The following FSTL5 variants were observed in gnomAD, a reference collection of about 807,000 sequenced individuals.
The protein encoded by FSTL5 is follistatin-related protein 5.
In FSTL5, 62 loss-of-function variants were observed where a neutral mutation model predicts 89.1. The observed-to-expected ratio is 0.70, with a 90% CI of 0.57 to 0.86. FSTL5 has a LOEUF of 0.86. Ranked by LOEUF, FSTL5 falls within the 40% of genes least tolerant of loss-of-function variation. The pLI is 0.00. For synonymous variants in FSTL5, 383 were observed against 346.2 expected (o/e 1.11, Z -1.18); for missense variants, 1,057 against 1,001.6 (o/e 1.06, Z -0.75).
At chr4:162,110,803 A>C (rs913926595) in intron 2 of FSTL5, among the ~76,000 whole-genome samples, 4 of 151,778 alleles carry the variant, frequency 2.6e-5, no homozygotes, top group African/African-American at 9.7e-5. Context: ...ATATTGTGAA[A>C]ATTTCTAAAA....
intron 12 of FSTL5, among the ~76,000 whole-genome samples, chr4:161,496,963 A>G: frequency 6.6e-6 from 1 of 152,168 alleles, no homozygotes; most frequent in East Asian, 1.9e-4. Context: ...CTGATTGCAT[A>G]ATATTCAACA....
At chr4:161,855,055 T>A (rs2126884639) in intron 4 of FSTL5, among the ~76,000 whole-genome samples, 1 of 16,294 alleles carries the variant, frequency 6.1e-5, no homozygotes, top group African/African-American at 1.7e-4. Flanking sequence ...TAAGTTCTAT[T>A]AAGTTCTACA....
intron 1 of FSTL5, among the ~76,000 whole-genome samples, chr4:162,150,879 T>C (rs1368061092): frequency 6.6e-6 from 1 of 152,150 alleles, no homozygotes; most frequent in Admixed American, 6.5e-5. Context: ...TCACTAGACA[T>C]TTACATAAAA....
At chr4:161,752,879 C>T (rs1212940562) in intron 6 of FSTL5, among the ~76,000 whole-genome samples, 1 of 152,134 alleles carries the variant, frequency 6.6e-6, no homozygotes, top group Non-Finnish European at 1.5e-5. Flanking sequence ...ACAGCGTTCT[C>T]TCTCTTTGGT....
At chr4:161,769,745 C>A (rs559679446) in intron 5 of FSTL5, among the ~76,000 whole-genome samples, 2 of 152,002 alleles carry the variant, frequency 1.3e-5, no homozygotes, top group South Asian at 4.1e-4. Context: ...TCTCTAAGAT[C>A]TAGAACATGA....
chr4:161,466,512 A>G (rs1036452100), intron 13 of FSTL5, among the ~76,000 whole-genome samples: 7 of 152,212 alleles, frequency 4.6e-5, no homozygotes, highest in African/African-American at 1.7e-4. Context: ...TGCAGTTCTC[A>G]AGATAATACG....
chr4:161,863,828 G>C (rs562631230), intron 4 of FSTL5, among the ~76,000 whole-genome samples: 1 of 152,298 alleles, frequency 6.6e-6, no homozygotes, highest in South Asian at 2.1e-4. Flanking sequence ...AAGGACTTCA[G>C]CACCGCTGGG....
chr4:161,695,394 T>G (rs971650494), intron 6 of FSTL5, among the ~76,000 whole-genome samples: 1 of 150,336 alleles, frequency 6.7e-6, no homozygotes, highest in African/African-American at 2.4e-5. Flanking sequence ...ATTCATTCCT[T>G]TTAATGGCTG....
At chr4:161,640,320 C>T (rs145316640) in intron 7 of FSTL5, among the ~76,000 whole-genome samples, 2,604 of 152,198 alleles carry the variant, frequency 0.017, 69 homozygotes, top group African/African-American at 0.058. Context: ...AGTAAATCAA[C>T]AGAAACTGTC....
chr4:161,684,112 C>A (rs1737620136), intron 6 of FSTL5, among the ~76,000 whole-genome samples: 2 of 152,224 alleles, frequency 1.3e-5, no homozygotes, highest in Admixed American at 6.5e-5. Context: ...TTCCATGGTA[C>A]ACATGTACAC....
At chr4:161,519,676 G>C (rs944700129) in intron 10 of FSTL5, among the ~76,000 whole-genome samples, 1 of 152,164 alleles carries the variant, frequency 6.6e-6, no homozygotes, top group Admixed American at 6.5e-5. Flanking sequence ...AAAGTGACTT[G>C]ATTTTGACAA....
chr4:161,784,555 G>C (rs554649088), intron 4 of FSTL5, among the ~76,000 whole-genome samples: 19 of 152,094 alleles, frequency 1.2e-4, no homozygotes, highest in Admixed American at 2.0e-4. Context: ...TCAAATATGT[G>C]ACTGCCAATG....
chr4:162,161,117 C>T (rs529082587), intron 1 of FSTL5, among the ~76,000 whole-genome samples: 8 of 151,904 alleles, frequency 5.3e-5, no homozygotes, highest in African/African-American at 1.7e-4. Flanking sequence ...TTTCTGCAAA[C>T]GGTGCTGTAT....
intron 4 of FSTL5, among the ~76,000 whole-genome samples, chr4:161,829,161 A>ATATATG (rs1553969150): frequency 1.4e-5 from 2 of 146,980 alleles, no homozygotes; most frequent in Non-Finnish European, 3.0e-5. Flanking sequence ...ATATATATAT[A>ATATATG]TGTACACAGA....
At chr4:161,569,752 CACACAA>C (rs1369879985) in intron 8 of FSTL5, among the ~76,000 whole-genome samples, 50 of 41,288 alleles carry the variant, frequency 1.2e-3, no homozygotes, top group African/African-American at 3.5e-3. Context: ...TTAAGTCCAA[CACACAA>C]ACACACACAC....
chr4:162,149,481 A>T (rs902231858), intron 1 of FSTL5, among the ~76,000 whole-genome samples: 11 of 88,634 alleles, frequency 1.2e-4, no homozygotes, highest in Non-Finnish European at 2.1e-4. Context: ...GTAAAATTTA[A>T]AAAAAAAAAA....
intron 10 of FSTL5, among the ~76,000 whole-genome samples, chr4:161,530,771 T>C (rs1196520697): frequency 2.0e-5 from 3 of 152,120 alleles, no homozygotes; most frequent in Non-Finnish European, 4.4e-5. Context: ...AATCTGTTCT[T>C]AGCACTTAAT....
At chr4:161,467,207 T>C (rs960754706) in intron 13 of FSTL5, among the ~76,000 whole-genome samples, 2 of 152,132 alleles carry the variant, frequency 1.3e-5, no homozygotes, top group African/African-American at 2.4e-5. Flanking sequence ...ATGTATAATG[T>C]ATACCACTTT....
At chr4:161,429,751 AG>A (rs1179824419) in intron 15 of FSTL5, among the ~76,000 whole-genome samples, 1 of 152,200 alleles carries the variant, frequency 6.6e-6, no homozygotes, top group African/African-American at 2.4e-5. Flanking sequence ...CAAGAAGGAT[AG>A]TACGAAGATC....
Sources: allele counts gnomAD v4.1 joint callset (sites outside exome capture counted in the v4.1 genomes callset), GRCh38; gene constraint gnomAD v4.1.1; transcripts MANE v1.5; gene names NCBI Gene and HGNC (gene_info 2026-07-23, HGNC 2026-07-21).